Variants in SVEP1 observed in about 807,000 individuals in gnomAD.
SVEP1 encodes the protein sushi, von Willebrand factor type A, EGF and pentraxin domain-containing protein 1.
In SVEP1, 164 loss-of-function variants were observed where a neutral mutation model predicts 367.3. That is an observed-to-expected ratio of 0.45 (90% CI 0.39 to 0.51). The LOEUF is 0.51. Among genes scored for constraint, SVEP1 ranks in the 20% least tolerant of loss-of-function variants. The pLI is 0.00. For missense variants in SVEP1, 4,117 were observed against 4,425.3 expected, an observed-to-expected ratio of 0.93 and a Z score of 1.98; for synonymous variants, 1,666 against 1,611.6, an observed-to-expected ratio of 1.03 and a Z score of -0.81.
At chr9:110,561,325 C>T (rs1431373460) in intron 1 of SVEP1, among the ~76,000 whole-genome samples, 1 of 152,158 alleles carries the variant, frequency 6.6e-6, no homozygotes, top group African/African-American at 2.4e-5. Flanking sequence ...TCAGTACCCC[C>T]ACTCACATTC....
chr9:110,435,902 A>C (rs1828423839), intron 28 of SVEP1, among the ~76,000 whole-genome samples: 1 of 152,164 alleles, frequency 6.6e-6, no homozygotes, highest in African/African-American at 2.4e-5. Flanking sequence ...AGATGGAATA[A>C]CATGTTCAAA....
chr9:110,512,238 T>C (rs930942328), intron 5 of SVEP1, among the ~76,000 whole-genome samples: 1 of 152,166 alleles, frequency 6.6e-6, no homozygotes, highest in African/African-American at 2.4e-5. Context: ...GCCCCCCTTT[T>C]ACCTTTTCTT....
At chr9:110,504,807 G>C (rs1829598431) in intron 5 of SVEP1, among the ~76,000 whole-genome samples, 1 of 151,864 alleles carries the variant, frequency 6.6e-6, no homozygotes, top group Admixed American at 6.6e-5. Context: ...CATCTGCCCA[G>C]CATCCATTAA....
At chr9:110,402,624 G>A (rs1564131855) in intron 39 of SVEP1, among the ~76,000 whole-genome samples, 2 of 152,132 alleles carry the variant, frequency 1.3e-5, no homozygotes, top group Admixed American at 6.5e-5. Context: ...TTTTTAGCCA[G>A]TATCACAGAG....
chr9:110,464,487 T>C (rs949538460), intron 18 of SVEP1, among the ~76,000 whole-genome samples: 2 of 152,242 alleles, frequency 1.3e-5, no homozygotes, highest in Non-Finnish European at 2.9e-5. Flanking sequence ...ACTTCCAAGA[T>C]GCAATGCTGG....
Position 110,550,074 on chromosome 9 carries a change from T to C in SVEP1, c.562A>G (p.Thr188Ala), listed in dbSNP as rs1374195890. The C allele has an allele frequency of 1.9e-6, 3 of 1,613,884 alleles. No individual in the cohort carries two copies. The highest frequency in any genetic ancestry group is 2.2e-5 in the East Asian group (1 of 44,888). ...TCAGTGATGAGAAATACAACTTTTGTTGAGTTTTCTCTAGCATGAAGAAGA... is the reference window on the plus strand; with the variant it reads ...TCAGTGATGAGAAATACAACTTTTGCTGAGTTTTCTCTAGCATGAAGAAGA... ...QILLHARENS[T>A]KVVFLITDGY... The change falls in exon 2 of 48, where the codon ACA becomes GCA. Residue 188 changes from threonine to alanine, a missense_variant. Physicochemically the swap from Thr to Ala is moderately conservative, Grantham distance 58. Transcript: ENST00000374469.
intron 40 of SVEP1, among the ~76,000 whole-genome samples, chr9:110,397,333 G>T (rs1190602594): frequency 6.6e-6 from 1 of 152,212 alleles, no homozygotes; most frequent in African/African-American, 2.4e-5. Context: ...AGGTATTGAT[G>T]GGACGTATCT....
intron 13 of SVEP1, among the ~76,000 whole-genome samples, chr9:110,476,543 C>T (rs547240457): frequency 1.3e-5 from 2 of 152,188 alleles, no homozygotes; most frequent in East Asian, 3.9e-4. Context: ...ATGTCACTCA[C>T]CATGAGAAGC....
rs188985619 is a variant in SVEP1 at position 110,411,687 on chromosome 9, C to T, written c.6024G>A (p.Lys2008=). The change falls in exon 37 of 48, where the codon AAG becomes AAA. Residue 2008 remains lysine (K), a synonymous_variant. Transcript: ENST00000374469. The stretch of plus-strand genomic sequence containing the variant: ...GGCACTGCTGGTCACTTCTACTCCA[C>T]TTGCCGTCGGCCAGGCATTCAATGG... ...LDTIECLADG[K]WSRSDQQCLA... 3.6e-5 allele frequency: 57 copies of T among 1,598,814 alleles called. No individual in the cohort carries two copies. In the African/African-American group the frequency reaches 6.7e-4, roughly 19 times the overall value.
At chr9:110,438,177 ATTTTTTTTTTTTTTT>A (rs10593866) in intron 27 of SVEP1, among the ~76,000 whole-genome samples, 2 of 75,538 alleles carry the variant, frequency 2.6e-5, no homozygotes, top group African/African-American at 1.0e-4. Context: ...TAGTTATGCT[ATTTTTTTTTTTTTTT>A]TTTTTTTTTT....
At chr9:110,384,935 C>G (rs1035246136) in intron 43 of SVEP1, among the ~76,000 whole-genome samples, 3 of 152,160 alleles carry the variant, frequency 2.0e-5, no homozygotes, top group Admixed American at 6.6e-5. Context: ...GTAGCTTGGA[C>G]AACAAATGAG....
chr9:110,558,653 G>A (rs752266828), intron 1 of SVEP1, among the ~76,000 whole-genome samples: 3 of 151,916 alleles, frequency 2.0e-5, no homozygotes, highest in African/African-American at 4.8e-5. Context: ...TGTAAGAGAG[G>A]AATTTGATAA....
chr9:110,511,914 C>A lies in SVEP1; in HGVS notation c.1303+1012G>T, dbSNP rs1260470432. Among the ~76,000 whole-genome samples the A allele has an allele frequency of 4.6e-5, 7 of 152,134 alleles. No individual in the cohort carries two copies. In the East Asian group the frequency reaches 1.4e-3, roughly 29 times the overall value. Reference sequence around the variant, plus strand: ...TGTGGGGTTTTGGAGTAGTCAAATCCTCAGCAAAGTGTTCTGCCAAAAAAT... The same window carrying A: ...TGTGGGGTTTTGGAGTAGTCAAATCATCAGCAAAGTGTTCTGCCAAAAAAT... On this transcript the variant is annotated intron_variant, in intron 5 of 47. Coordinates refer to ENST00000374469, the MANE Select transcript of SVEP1 (RefSeq NM_153366.4).
intron 1 of SVEP1, among the ~76,000 whole-genome samples, chr9:110,571,614 C>T (rs1830563544): frequency 6.6e-6 from 1 of 152,226 alleles, no homozygotes; most frequent in South Asian, 2.1e-4. Flanking sequence ...AATAAATGTC[C>T]ATCATGTTTA....
At position 110,444,982 on chromosome 9, in the gene SVEP1, G is replaced by A. The variant is rs187726169; in HGVS notation, c.4463+855C>T. Reference sequence around the variant, plus strand: ...GTGAGATTCCCTTGGATTGGGGATAGAAAAAAAAGCTCAGTGGGTTTTGAA... The same window carrying A: ...GTGAGATTCCCTTGGATTGGGGATAAAAAAAAAAGCTCAGTGGGTTTTGAA... On this transcript the variant is annotated intron_variant, in intron 26 of 47. Coordinates refer to ENST00000374469, the MANE Select transcript of SVEP1 (RefSeq NM_153366.4). 2.9e-3 allele frequency among the ~76,000 whole-genome samples: 440 copies of A among 151,976 alleles called. 1 individual carries two copies. Among genetic ancestry groups the A allele is most frequent in the Admixed American group, 5.6e-3 (85 of 15,260 alleles).
chr9:110,549,700 C>T, intron 2 of SVEP1, 149 bp downstream of exon 2: 3 of 1,055,910 alleles, frequency 2.8e-6, no homozygotes, highest in Non-Finnish European at 4.0e-6. Flanking sequence ...AAGTTCAGCA[C>T]ATTTCATGAT....
At chr9:110,534,020 C>T (rs1351211812) in intron 3 of SVEP1, among the ~76,000 whole-genome samples, 3 of 152,066 alleles carry the variant, frequency 2.0e-5, no homozygotes, top group African/African-American at 7.2e-5. Context: ...GCTAAGTCCA[C>T]CACTTTTTTA....
intron 27 of SVEP1, chr9:110,443,211 T>C (rs573563138): frequency 1.1e-4 from 21 of 194,630 alleles, no homozygotes; most frequent in Non-Finnish European, 1.9e-4. Context: ...TATATACTGA[T>C]TACAAAACAA....
intron 3 of SVEP1, among the ~76,000 whole-genome samples, chr9:110,541,187 GA>G (rs1299740046): frequency 6.6e-6 from 1 of 152,114 alleles, no homozygotes; most frequent in Non-Finnish European, 1.5e-5. Context: ...ACTTGTCTAT[GA>G]AACTAACAAA....
Sources: gnomAD v4.1 joint callset for allele counts (sites outside exome capture counted in the v4.1 genomes callset) on GRCh38, gnomAD v4.1.1 for gene constraint, MANE v1.5 for transcripts, NCBI Gene and HGNC (gene_info 2026-07-23, HGNC 2026-07-21) for gene names.